The following CHTF18 variants were observed in gnomAD, a reference collection of about 807,000 sequenced individuals.
The protein encoded by CHTF18 is chromosome transmission fidelity factor 18.
A neutral mutation model predicts 113.4 loss-of-function variants in CHTF18; 151 were observed. The ratio of observed to expected loss-of-function variants is 1.33; its 90% CI spans 1.17 to 1.52. The LOEUF is 1.52. CHTF18 is among the 40% of genes most tolerant of loss of function. The pLI is 0.00. For synonymous variants in CHTF18, 916 were observed against 598.8 expected (o/e 1.53, Z -7.74); for missense variants, 1,982 against 1,381.6 (o/e 1.43, Z -6.89).
At position 790,180 on chromosome 16, in the gene CHTF18, T is replaced by C; in HGVS notation, c.610T>C (p.Ser204Pro). The change falls in exon 5 of 22, where the codon TCT (serine) becomes CCT (proline). Residue 204 changes from serine to proline, a missense_variant. Coordinates refer to ENST00000262315, the MANE Select transcript of CHTF18 (RefSeq NM_022092.3). ...AATTGTCCTCCCTTCCCCACAGGGC[T>C]CTCTCCTCCACGTCCCATGGCGAGG... Reference protein sequence around the residue: ...ADPMAPGVQGSLLHVPWRGGG... With the variant: ...ADPMAPGVQGPLLHVPWRGGG... 6.3e-7 allele frequency: 1 copy of C among 1,595,512 alleles called. No individual in the cohort carries two copies. The highest frequency in any genetic ancestry group is 2.3e-5 in the East Asian group (1 of 43,868).
At chr16:793,567 T>G in intron 14 of CHTF18, 1 of 559,432 alleles carries the variant, frequency 1.8e-6, no homozygotes, top group Non-Finnish European at 3.2e-6. Context: ...TCAGCTGCTG[T>G]CCCAGTTGCA....
rs748461849 is a variant in CHTF18, at chr16:792,503, G to A, written c.1391G>A (p.Gly464Asp). The A allele has an allele frequency of 2.5e-6, 4 of 1,590,492 alleles. No individual in the cohort carries two copies. The highest frequency in any genetic ancestry group is 2.3e-5 in the East Asian group (1 of 44,284). The part of the protein sequence containing the change: ...RKGPQEVGPQ[G>D]PAVPSGGGRR... ...GGGCCACAGGAGGTGGGGCCACAGG[G>A]CCCGGCTGTGCCTTCGGGAGGCGGC... Residue 464 changes from glycine (G) to aspartate (D), a missense_variant, in exon 11 of 22, where the codon GGC (glycine) becomes GAC (aspartate). By Grantham distance (94) the Gly-to-Asp change is moderately conservative. Transcript: ENST00000262315.
At position 788,780 on chromosome 16, in the gene CHTF18, G is replaced by A. The variant is rs367578985; in HGVS notation, c.91+5G>A. On this transcript the variant is annotated splice_donor_5th_base_variant and intron_variant, in intron 1 of 21. Coordinates refer to ENST00000262315, the MANE Select transcript of CHTF18 (RefSeq NM_022092.3). ...AGGTGCTGGCAGAGCTGGAAGGTGGGGCGCGGCCCCCGGCCGTTGGGGAGG... is the reference window on the plus strand; with the variant it reads ...AGGTGCTGGCAGAGCTGGAAGGTGGAGCGCGGCCCCCGGCCGTTGGGGAGG... 177 of 1,591,860 alleles carry A rather than the reference G, an allele frequency of 1.1e-4. 4 individuals are homozygous for A. In the East Asian group the frequency reaches 1.9e-3, roughly 17 times the overall value.
In CHTF18 at chr16:796,999, G is replaced by A. The variant is rs140737412; in HGVS notation, c.2640G>A (p.Gly880=). ...GSPPGLEGLL[G]GIGEKGVHRP... ...CCCCAGGGCTCGAGGGTCTGCTGGGGGGCATTGGGGAGAAAGGGGTGCACC... is the reference window on the plus strand; with the variant it reads ...CCCCAGGGCTCGAGGGTCTGCTGGGAGGCATTGGGGAGAAAGGGGTGCACC... Residue 880 remains glycine (G), a synonymous_variant, in exon 20 of 22, where the codon GGG becomes GGA. Coordinates refer to ENST00000262315, the MANE Select transcript of CHTF18 (RefSeq NM_022092.3). 24,824 of 1,546,418 alleles carry A rather than the reference G, an allele frequency of 0.016. 230 individuals carry two copies. Among genetic ancestry groups the A allele is most frequent in the Non-Finnish European group, 0.019 (22,040 of 1,145,200 alleles).
rs763320442 is a variant in CHTF18, at chr16:791,246, C to T, written c.980C>T (p.Pro327Leu). 13 of 1,610,936 alleles carry T rather than the reference C, an allele frequency of 8.1e-6. No individual in the cohort carries two copies. The South Asian group carries it at 1.4e-4, about 18-fold the overall frequency. The change falls in exon 8 of 22, where the codon CCC becomes CTC. Residue 327 changes from proline (P) to leucine (L), a missense_variant. By Grantham distance (98) the Pro-to-Leu change is moderately conservative. Transcript: ENST00000262315. ...GAGAGGCCTTCCCGGAAGCCCAGGC[C>T]CAGTGTTGAGCCGGCCCGGGTCAGC... The part of the protein sequence containing the change: ...GHERPSRKPR[P>L]SVEPARVSKE...
chr16:790,500 T>C, intron 6 of CHTF18, 25 bp from the exon 7 acceptor site: 1 of 1,605,210 alleles, frequency 6.2e-7, no homozygotes, highest in Non-Finnish European at 8.5e-7. Flanking sequence ...GAGTTGTTTG[T>C]GGCTCAGGAC....
intron 1 of CHTF18, 49 bp downstream of exon 1, chr16:788,824 A>G: frequency 6.4e-7 from 1 of 1,555,976 alleles, no homozygotes; most frequent in Non-Finnish European, 8.7e-7. Flanking sequence ...AAGCCGGGAC[A>G]GTGGCGACCT....
chr16:794,715 C>T (rs1037371012), intron 15 of CHTF18: 15 of 234,846 alleles, frequency 6.4e-5, no homozygotes, highest in African/African-American at 1.6e-4. Flanking sequence ...GGAGCAGCGG[C>T]GGGGATAGAC....
In CHTF18 at chr16:797,202, C is replaced by A. The variant is rs945390983; in HGVS notation, c.2733+110C>A. ...CACCCATGGGGTGGGGCCAGGGTAC[C>A]TTTGTGGGTGTGGCTAGGGCCCCTC... On this transcript the variant is annotated intron_variant, in intron 20 of 21. Coordinates refer to ENST00000262315, the MANE Select transcript of CHTF18 (RefSeq NM_022092.3). 6 of 1,319,614 alleles carry A rather than the reference C, an allele frequency of 4.5e-6. No homozygotes were observed. In the Admixed American group the frequency reaches 1.7e-4, roughly 38 times the overall value. The allele number at this position is 1,319,614 out of a possible 1,614,324, so 81.7% of individuals were successfully genotyped here. A position where few individuals can be genotyped will look rare whatever the true frequency, so the allele number is the denominator to read the frequency against.
rs374862443 is a variant in CHTF18 at position 797,748 on chromosome 16, G to A, written c.2788G>A (p.Ala930Thr). Residue 930 changes from alanine (A) to threonine (T), a missense_variant, in exon 21 of 22, where the codon GCA becomes ACA. Coordinates refer to ENST00000262315, the MANE Select transcript of CHTF18 (RefSeq NM_022092.3). ...VVVRSTAVPS[A>T]GDTAPEQDSV... ...CGTCAGGAGCACAGCAGTCCCGAGT[G>A]CAGGTGTGTGTGGGGGTGTTGTGGG... is the stretch of plus-strand genomic sequence containing the variant. The A allele has an allele frequency of 8.3e-5, 134 of 1,608,108 alleles. 1 individual carries two copies. Among genetic ancestry groups the A allele is most frequent in the South Asian group, 5.8e-4 (53 of 90,864 alleles).
rs376801689 is a variant in CHTF18, at chr16:792,771, C to T, written c.1532C>T (p.Pro511Leu). Residue 511 changes from proline (P) to leucine (L), a missense_variant, in exon 12 of 22, where the codon CCG (proline) becomes CTG (leucine). Coordinates refer to ENST00000262315, the MANE Select transcript of CHTF18 (RefSeq NM_022092.3). ...CAGCAGGCCTTCCTGCTCCACTTCC[C>T]GCCGACTCTGCCCTCGAGGCTGGTG... ...LKQQAFLLHF[P>L]PTLPSRLVQR... 2.6e-5 allele frequency: 41 copies of T among 1,547,790 alleles called. No individual in the cohort carries two copies. Among genetic ancestry groups the T allele is most frequent in the Non-Finnish European group, 3.4e-5 (39 of 1,150,846 alleles).
At chr16:797,597 T>C (rs2294450) in intron 20 of CHTF18, 97 bp from the exon 21 acceptor site, 400,696 of 1,350,090 alleles carry the variant, frequency 0.3, 67,632 homozygotes, top group African/African-American at 0.6. Context: ...GGTGTTCTGG[T>C]CCCTCCTCCC....
At chr16:790,296 C>G (rs759813876) in intron 5 of CHTF18, 27 bp downstream of exon 5, 1 of 1,608,552 alleles carries the variant, frequency 6.2e-7, no homozygotes, top group South Asian at 1.1e-5. Context: ...TGCTGGGGGG[C>G]GGTGGCGGGG....
rs745699369 is a variant in CHTF18 at position 791,967 on chromosome 16, G to A, written c.1202+19G>A. ...ACGCCAGGTGAGTGATGTGAGGTCC[G>A]TCTCTGGCTCGCCTTCTGTCCTGAC... On this transcript the variant is annotated intron_variant, in intron 9 of 21. Transcript: ENST00000262315. 111 of 1,595,712 alleles carry A rather than the reference G, an allele frequency of 7.0e-5. No homozygotes were observed. The highest frequency in any genetic ancestry group is 3.3e-4 in the Middle Eastern group (2 of 6,044).
rs1222308074 is a variant in CHTF18, at chr16:789,025, C to G, written c.186C>G (p.Ala62=). ...AGGCCCTTGCCAGAGGGGACGCGGCCTCCAGTCCCGCCCCAGCCGCATCTG... is the reference window on the plus strand; with the variant it reads ...AGGCCCTTGCCAGAGGGGACGCGGCGTCCAGTCCCGCCCCAGCCGCATCTG... The part of the protein sequence containing the change: ...FEEALARGDA[A]SSPAPAASVG... The change falls in exon 2 of 22, where the codon GCC becomes GCG. Residue 62 remains alanine (A), a synonymous_variant. Coordinates refer to ENST00000262315, the MANE Select transcript of CHTF18 (RefSeq NM_022092.3). 1.3e-6 allele frequency: 2 copies of G among 1,536,966 alleles called. No homozygotes were observed. Among genetic ancestry groups the G allele is most frequent in the East Asian group, 2.5e-5 (1 of 40,720 alleles).
intron 7 of CHTF18, 55 bp from the exon 8 acceptor site, chr16:791,106 C>A (rs377044412): frequency 6.4e-7 from 1 of 1,556,578 alleles, no homozygotes; most frequent in Non-Finnish European, 8.7e-7. Flanking sequence ...GGTGGACTGT[C>A]CGTGCCTGGA....
intron 14 of CHTF18, 52 bp from the exon 15 acceptor site, chr16:794,002 G>T (rs2042270861): frequency 1.3e-6 from 2 of 1,576,240 alleles, no homozygotes; most frequent in African/African-American, 1.3e-5. Context: ...GACGGGTGGG[G>T]CTGCCTGTGC....
At position 792,747 on chromosome 16, in the gene CHTF18, A is replaced by T; in HGVS notation, c.1508A>T (p.Gln503Leu). Residue 503 changes from glutamine (Q) to leucine (L), a missense_variant, in exon 12 of 22, where the codon CAG becomes CTG. Transcript: ENST00000262315. ...GCACCGTCCCTGCGGCAGCTGAAGCAGCAGGCCTTCCTGCTCCACTTCCCG... is the reference window on the plus strand; with the variant it reads ...GCACCGTCCCTGCGGCAGCTGAAGCTGCAGGCCTTCCTGCTCCACTTCCCG... ...QFAPSLRQLK[Q>L]QAFLLHFPPT... 6.4e-7 allele frequency: 1 copy of T among 1,553,534 alleles called. No homozygotes were observed. The highest frequency in any genetic ancestry group is 8.7e-7 in the Non-Finnish European group (1 of 1,153,888).
At chr16:793,104 C>G (rs765103061) in intron 13 of CHTF18, 40 bp downstream of exon 13, 1 of 1,547,274 alleles carries the variant, frequency 6.5e-7, no homozygotes, top group Non-Finnish European at 8.7e-7. Context: ...GGGGTGGGGT[C>G]AGGAGTTGGC....
Sources: allele counts gnomAD v4.1 joint callset, GRCh38; gene constraint gnomAD v4.1.1; transcripts MANE v1.5; gene names NCBI Gene and HGNC (gene_info 2026-07-23, HGNC 2026-07-21).